MCTP1: variants seen among roughly 807,000 people sequenced by gnomAD.
MCTP1 encodes multiple C2 and transmembrane domain containing 1.
MCTP1 carries 69 observed loss-of-function variants against 120.6 expected under a neutral mutation model. The observed-to-expected ratio is 0.57, with a 90% CI of 0.47 to 0.70. The LOEUF (loss-of-function observed/expected upper bound fraction) is 0.70. MCTP1 is among the 30% of genes least tolerant of loss of function. The pLI, the probability that MCTP1 is intolerant of heterozygous loss-of-function variation, is 0.00. For missense variants in MCTP1, 1,203 were observed against 1,248.8 expected (o/e 0.96, Z 0.55); for synonymous variants, 529 against 493.1 (o/e 1.07, Z -0.96).
intron 12 of MCTP1, among the ~76,000 whole-genome samples, chr5:94,884,509 A>G (rs925290126): frequency 6.6e-6 from 1 of 151,272 alleles, no homozygotes; most frequent in South Asian, 2.1e-4. Flanking sequence ...ATCAGACCTC[A>G]TGAGTTGAAC....
At chr5:95,186,154 G>A (rs1749180854) in intron 1 of MCTP1, among the ~76,000 whole-genome samples, 1 of 150,902 alleles carries the variant, frequency 6.6e-6, no homozygotes, top group African/African-American at 2.4e-5. Context: ...ACTGAAATAA[G>A]GCAAGAGAAA....
intron 1 of MCTP1, among the ~76,000 whole-genome samples, chr5:95,020,804 T>C (rs1314511165): frequency 1.3e-5 from 2 of 152,086 alleles, no homozygotes; most frequent in African/African-American, 2.4e-5. Flanking sequence ...GTTTTCTTAG[T>C]TCTCACCTGG....
intron 18 of MCTP1, among the ~76,000 whole-genome samples, chr5:94,781,269 C>T (rs1315772243): frequency 6.6e-6 from 1 of 151,968 alleles, no homozygotes; most frequent in Non-Finnish European, 1.5e-5. Context: ...GTATAATATG[C>T]CTCCTCTCTG....
intron 20 of MCTP1, among the ~76,000 whole-genome samples, chr5:94,712,140 G>A (rs1325937736): frequency 2.6e-5 from 4 of 152,066 alleles, no homozygotes; most frequent in Non-Finnish European, 4.4e-5. Flanking sequence ...CTATTATGTG[G>A]ATTTAGCTGA....
intron 1 of MCTP1, among the ~76,000 whole-genome samples, chr5:95,058,102 A>G (rs1747901744): frequency 1.3e-5 from 2 of 152,210 alleles, no homozygotes; most frequent in African/African-American, 4.8e-5. Flanking sequence ...TTACAGCCTT[A>G]TTGCTATTCA....
chr5:94,963,526 G>T (rs1350809833), intron 2 of MCTP1, among the ~76,000 whole-genome samples: 1 of 150,556 alleles, frequency 6.6e-6, no homozygotes, highest in African/African-American at 2.4e-5. Context: ...TGATACCTCA[G>T]TGTGGTTTTC....
intron 8 of MCTP1, among the ~76,000 whole-genome samples, chr5:94,915,745 G>A (rs1424679172): frequency 2.0e-5 from 3 of 151,890 alleles, no homozygotes; most frequent in South Asian, 2.1e-4. Context: ...TTTTCACCCT[G>A]TAAGTCAAGT....
At chr5:94,823,188 C>T (rs1199517750) in intron 17 of MCTP1, among the ~76,000 whole-genome samples, 7 of 152,090 alleles carry the variant, frequency 4.6e-5, no homozygotes, top group African/African-American at 1.2e-4. Context: ...TTAGGTCTTA[C>T]GTTTAAGTTT....
intron 19 of MCTP1, among the ~76,000 whole-genome samples, chr5:94,777,929 T>C (rs1181472206): frequency 1.1e-5 from 1 of 90,364 alleles, no homozygotes; most frequent in African/African-American, 2.9e-5. Context: ...AAAGTGTGCG[T>C]GTGTGTGTGT....
intron 17 of MCTP1, among the ~76,000 whole-genome samples, chr5:94,830,930 CCAAA>C (rs1426039837): frequency 1.3e-5 from 2 of 152,046 alleles, no homozygotes; most frequent in Non-Finnish European, 2.9e-5. Context: ...GAACTATGGC[CCAAA>C]CAATCATGCA....
rs148775361 is a variant in MCTP1 at position 94,798,843 on chromosome 5, A to G, written c.2556+170T>C. The stretch of plus-strand genomic sequence containing the variant: ...TGTTAGAAATAAGTGAATACTCTCT[A>G]TTGTGTTAGGACCAAAGAGTTGTTA... On this transcript the variant is annotated intron_variant, in intron 18 of 22. Transcript: ENST00000515393. 1.0e-3 allele frequency among the ~76,000 whole-genome samples: 153 copies of G among 152,250 alleles called. 3 individuals are homozygous for G. The South Asian group carries it at 0.013, about 13-fold the overall frequency.
chr5:95,099,039 T>C (rs1756501496), intron 1 of MCTP1, among the ~76,000 whole-genome samples: 1 of 151,168 alleles, frequency 6.6e-6, no homozygotes, highest in African/African-American at 2.4e-5. Context: ...CCCTATTTAA[T>C]AAATGGTGCT....
intron 1 of MCTP1, among the ~76,000 whole-genome samples, chr5:95,217,149 A>G (rs936472102): frequency 6.6e-6 from 1 of 152,238 alleles, no homozygotes. Flanking sequence ...AAAAATACTT[A>G]TTAATCATGC....
At chr5:94,849,113 C>T (rs925949848) in intron 17 of MCTP1, among the ~76,000 whole-genome samples, 6 of 151,714 alleles carry the variant, frequency 4.0e-5, no homozygotes, top group Admixed American at 6.6e-5. Flanking sequence ...TGGTAGCAAA[C>T]GAATATATGC....
rs114387696 is a variant in MCTP1, at chr5:94,763,135, G to A, written c.2610+15975C>T. Among the ~76,000 whole-genome samples the A allele has an allele frequency of 9.3e-3, 1,411 of 151,470 alleles. 27 individuals are homozygous for A. Among genetic ancestry groups the A allele is most frequent in the African/African-American group, 0.033 (1,350 of 41,314 alleles). ...TAAGTTAAAGATGCCTTTATTTCTCGCCAGAGCTATTGTAAAACATCCTAG... is the reference window on the plus strand; with the variant it reads ...TAAGTTAAAGATGCCTTTATTTCTCACCAGAGCTATTGTAAAACATCCTAG... On this transcript the variant is annotated intron_variant, in intron 19 of 22. Transcript: ENST00000515393.
chr5:94,777,123 T>C (rs1166261365), intron 19 of MCTP1, among the ~76,000 whole-genome samples: 1 of 152,210 alleles, frequency 6.6e-6, no homozygotes, highest in South Asian at 2.1e-4. Flanking sequence ...CTCACAGTCC[T>C]TTCACATGGA....
At chr5:95,064,057 G>A (rs552681048) in intron 1 of MCTP1, among the ~76,000 whole-genome samples, 7 of 152,300 alleles carry the variant, frequency 4.6e-5, no homozygotes, top group Non-Finnish European at 7.4e-5. Flanking sequence ...CTAAATGCAC[G>A]AATAGTTCAT....
Position 95,284,241 on chromosome 5 carries a change from G to T in MCTP1, c.335C>A (p.Ala112Asp). 6.3e-7 allele frequency: 1 copy of T among 1,585,636 alleles called. No homozygotes were observed. Among genetic ancestry groups the T allele is most frequent in the Non-Finnish European group, 8.5e-7 (1 of 1,172,956 alleles). ...SSPEPLEPGG[A>D]GRAEQGSTLR... ...CGTGGACCCCTGCTCGGCTCTGCCG[G>T]CGCCGCCGGGCTCCAGGGGCTCCGG... Residue 112 changes from alanine to aspartate, a missense_variant, in exon 1 of 23, where the codon GCC becomes GAC. Physicochemically the swap from Ala to Asp is moderately radical, Grantham distance 126 (BLOSUM62 -2). This residue lies in a region of MCTP1 where 463 missense variants were observed against 377.8 expected (regional missense o/e 1.23). Transcript: ENST00000515393. The surrounding 1 kb of genome is among the most constrained non-coding windows in gnomAD (Gnocchi z 5.2).
intron 17 of MCTP1, among the ~76,000 whole-genome samples, chr5:94,844,339 A>G (rs1435557850): frequency 4.6e-5 from 7 of 151,638 alleles, no homozygotes; most frequent in Admixed American, 4.6e-4. Flanking sequence ...AAAAGAAAAA[A>G]AGAAAGGCAG....
Sources: allele counts gnomAD v4.1 joint callset (sites outside exome capture counted in the v4.1 genomes callset), GRCh38; gene constraint gnomAD v4.1.1; regional missense constraint gnomAD v4.1.1; non-coding constraint Gnocchi (gnomAD v3.1); transcripts MANE v1.5; gene names NCBI Gene and HGNC (gene_info 2026-07-23, HGNC 2026-07-21).